The following SCOC variants were observed in gnomAD, a reference collection of about 807,000 sequenced individuals.
The protein encoded by SCOC is short coiled coil protein.
Under a neutral mutation model 9.9 loss-of-function variants are expected in SCOC, and 7 were observed. The ratio of observed to expected loss-of-function variants is 0.71; its 90% CI spans 0.40 to 1.33. The LOEUF (loss-of-function observed/expected upper bound fraction) is 1.33, where lower values mean the gene tolerates loss of function less well. Ranked by LOEUF, SCOC falls within the 40% of genes most tolerant of loss-of-function variation. The pLI, the probability that SCOC is intolerant of heterozygous loss-of-function variation, is 0.01. For missense variants in SCOC, 66 were observed against 89.7 expected (o/e 0.74, Z 1.07); for synonymous variants, 19 against 28.2 (o/e 0.67, Z 1.03).
chr4:140,309,615 C>G (rs1265807672), intron 1 of SCOC, among the ~76,000 whole-genome samples: 1 of 152,174 alleles, frequency 6.6e-6, no homozygotes, highest in East Asian at 1.9e-4. Context: ...ATAGATATAT[C>G]CAAATAAATC....
At chr4:140,357,965 G>C (rs1412449317) in intron 2 of SCOC, among the ~76,000 whole-genome samples, 1 of 151,992 alleles carries the variant, frequency 6.6e-6, no homozygotes, top group Non-Finnish European at 1.5e-5. Context: ...TGCTTTCTGT[G>C]GTGTATGTCT....
chr4:140,363,729 A>C (rs551302880), intron 2 of SCOC, among the ~76,000 whole-genome samples: 39 of 152,384 alleles, frequency 2.6e-4, no homozygotes, highest in Middle Eastern at 6.8e-3. Flanking sequence ...GTATCCACTT[A>C]AAATGCCATG....
chr4:140,269,211 A>G (rs887777851), intron 1 of SCOC, among the ~76,000 whole-genome samples: 12 of 152,206 alleles, frequency 7.9e-5, no homozygotes, highest in Non-Finnish European at 5.9e-5. Context: ...CACTCCTCCT[A>G]TGAAAATGAG....
chr4:140,355,100 C>G (rs1384059372), intron 2 of SCOC, among the ~76,000 whole-genome samples: 1 of 151,132 alleles, frequency 6.6e-6, no homozygotes, highest in Non-Finnish European at 1.5e-5. Context: ...GAAACCAGAC[C>G]CACCCTTAAT....
upstream of SCOC, among the ~76,000 whole-genome samples, chr4:140,371,265 C>T (rs1271286481): frequency 3.9e-5 from 6 of 152,152 alleles, no homozygotes; most frequent in Admixed American, 6.5e-5. Flanking sequence ...GATGGCTTCT[C>T]TTCTGTTTGT....
upstream of SCOC, among the ~76,000 whole-genome samples, chr4:140,339,628 C>A (rs373821673): frequency 3.3e-5 from 5 of 152,020 alleles, no homozygotes; most frequent in East Asian, 1.9e-4. Context: ...ACCCCATCAA[C>A]AAGTGGGCAA....
intron 1 of SCOC, chr4:140,343,554 G>A (rs1017851885): frequency 4.4e-5 from 44 of 992,716 alleles, no homozygotes; most frequent in Middle Eastern, 2.0e-4. Context: ...ACTGATTAAT[G>A]ATTTAACAAG....
At chr4:140,279,284 G>A (rs542666346) in intron 1 of SCOC, among the ~76,000 whole-genome samples, 32 of 152,268 alleles carry the variant, frequency 2.1e-4, no homozygotes, top group East Asian at 1.4e-3. Context: ...ATTCTCCTAA[G>A]TCCATGTTTG....
intron 2 of SCOC, among the ~76,000 whole-genome samples, chr4:140,349,689 A>G (rs1726894570): frequency 6.6e-6 from 1 of 152,104 alleles, no homozygotes; most frequent in Admixed American, 6.5e-5. Context: ...TCAATCACCA[A>G]TTCTTGTTGA....
intron 2 of SCOC, among the ~76,000 whole-genome samples, chr4:140,359,128 A>G (rs1325378203): frequency 2.0e-5 from 3 of 146,370 alleles, no homozygotes; most frequent in Non-Finnish European, 4.6e-5. Flanking sequence ...TTTGCTCACT[A>G]TTTTGTGGCT....
At chr4:140,275,567 A>G (rs1040383762) in intron 1 of SCOC, among the ~76,000 whole-genome samples, 5 of 152,350 alleles carry the variant, frequency 3.3e-5, no homozygotes, top group Non-Finnish European at 7.3e-5. Context: ...CAGTTGTTGC[A>G]TATTTTGAAA....
intron 1 of SCOC, among the ~76,000 whole-genome samples, chr4:140,320,237 AC>A (rs1346293571): frequency 1.3e-5 from 2 of 152,194 alleles, no homozygotes; most frequent in Non-Finnish European, 2.9e-5. Context: ...TTTCACCAGC[AC>A]CATGACAGTT....
chr4:140,384,894 C>T lies in SCOC; in HGVS notation c.*3790C>T, dbSNP rs188906321. ...AATTAGGTAATGAGGGTGAAACCCT[C>T]ATGAATGGGATTGTGTCATTAAAAG... On this transcript the variant is annotated 3_prime_UTR_variant, in exon 4 of 4. Transcript: ENST00000608372. 1.5e-4 allele frequency: 23 copies of T among 152,262 alleles called. No homozygotes were observed. Among genetic ancestry groups the T allele is most frequent in the Non-Finnish European group, 3.2e-4 (22 of 68,026 alleles). 9.4% of individuals were successfully genotyped at this position (152,262 alleles called of 1,614,324 possible). A position where few individuals can be genotyped will look rare whatever the true frequency, so the allele number is the denominator to read the frequency against.
chr4:140,373,624 C>T, upstream of SCOC: 3 of 1,551,544 alleles, frequency 1.9e-6, no homozygotes, highest in South Asian at 3.6e-5. Flanking sequence ...GTTCTGTGGG[C>T]GGAGTGGGCG....
intron 1 of SCOC, among the ~76,000 whole-genome samples, chr4:140,312,235 G>A (rs1732177948): frequency 6.6e-6 from 1 of 152,054 alleles, no homozygotes; most frequent in African/African-American, 2.4e-5. Flanking sequence ...ATTTTGAAAT[G>A]AGCTGTGTGG....
At chr4:140,260,134 T>G (rs554022166) in intron 1 of SCOC, among the ~76,000 whole-genome samples, 6 of 152,372 alleles carry the variant, frequency 3.9e-5, no homozygotes, top group Middle Eastern at 3.4e-3. Context: ...AGTTGCTGCC[T>G]AACTTTCATA....
At chr4:140,263,751 G>T (rs1009522173) in intron 1 of SCOC, among the ~76,000 whole-genome samples, 1 of 152,166 alleles carries the variant, frequency 6.6e-6, no homozygotes, top group Admixed American at 6.5e-5. Flanking sequence ...CAACCCATGG[G>T]TGAAAAGCAA....
chr4:140,352,800 G>A (rs764488448), intron 2 of SCOC, among the ~76,000 whole-genome samples: 2 of 151,946 alleles, frequency 1.3e-5, no homozygotes, highest in East Asian at 1.9e-4. Flanking sequence ...TTTTTTCTAC[G>A]TCATTAGAAT....
At chr4:140,379,762 A>T in intron 3 of SCOC, 110 bp downstream of exon 3, 1 of 705,894 alleles carries the variant, frequency 1.4e-6, no homozygotes, top group Non-Finnish European at 2.5e-6. Flanking sequence ...AAAAGAATGA[A>T]CTTCAAAGTA....
Sources: gnomAD v4.1 joint callset for allele counts (sites outside exome capture counted in the v4.1 genomes callset) on GRCh38, gnomAD v4.1.1 for gene constraint, MANE v1.5 for transcripts, NCBI Gene and HGNC (gene_info 2026-07-23, HGNC 2026-07-21) for gene names.